FGF14: variants seen among roughly 807,000 people sequenced by gnomAD.
FGF14 encodes the protein fibroblast growth factor 14.
Under a neutral mutation model 25.5 loss-of-function variants are expected in FGF14, and 5 were observed. The ratio of observed to expected loss-of-function variants is 0.20; its 90% CI spans 0.10 to 0.41. The LOEUF is 0.41. Among genes scored for constraint, FGF14 ranks in the 10% least tolerant of loss-of-function variants. The pLI, the probability that FGF14 is intolerant of heterozygous loss-of-function variation, is 1.00. For missense variants in FGF14, 222 were observed against 320.1 expected (o/e 0.69, Z 2.34); for synonymous variants, 138 against 118.3 (o/e 1.17, Z -1.08).
chr13:101,723,383 ATTCAC>A (rs1199802879), intron 4 of FGF14, among the ~76,000 whole-genome samples: 1 of 152,012 alleles, frequency 6.6e-6, no homozygotes, highest in African/African-American at 2.4e-5. Context: ...TGAACTTCTC[ATTCAC>A]TTCAATCAAT....
At chr13:102,324,426 T>C (rs1283834065) in intron 1 of FGF14, among the ~76,000 whole-genome samples, 1 of 152,132 alleles carries the variant, frequency 6.6e-6, no homozygotes, top group Non-Finnish European at 1.5e-5. Flanking sequence ...TTTTTACTCA[T>C]TCAACAAAAA....
At chr13:102,394,722 G>A (rs1049391082) in intron 1 of FGF14, 1 of 152,414 alleles carries the variant, frequency 6.6e-6, no homozygotes, top group Admixed American at 6.5e-5. Context: ...CGGGGACTCT[G>A]GGCCAATGGG....
intron 3 of FGF14, among the ~76,000 whole-genome samples, chr13:101,820,814 C>T (rs925303181): frequency 2.1e-5 from 2 of 93,026 alleles, no homozygotes; most frequent in Non-Finnish European, 5.5e-5. Context: ...ACAACACACA[C>T]ACACACACCA....
chr13:102,269,082 C>T (rs2053127911), intron 1 of FGF14, among the ~76,000 whole-genome samples: 1 of 152,116 alleles, frequency 6.6e-6, no homozygotes. Flanking sequence ...TTGGGTGATA[C>T]AGAAAAATGT....
chr13:102,073,449 A>C (rs973121908), intron 1 of FGF14, among the ~76,000 whole-genome samples: 1 of 152,122 alleles, frequency 6.6e-6, no homozygotes. Flanking sequence ...TAATAATCAC[A>C]AGATTTGTTC....
At chr13:101,902,765 T>C (rs2031734572) in intron 1 of FGF14, among the ~76,000 whole-genome samples, 1 of 152,226 alleles carries the variant, frequency 6.6e-6, no homozygotes, top group South Asian at 2.1e-4. Flanking sequence ...CAAAATCCTG[T>C]CATGGTTTTG....
chr13:101,905,122 G>A (rs1018047566), intron 1 of FGF14, among the ~76,000 whole-genome samples: 1 of 152,174 alleles, frequency 6.6e-6, no homozygotes, highest in Admixed American at 6.5e-5. Context: ...ACAGAAAGGA[G>A]TGGAGGCAGA....
rs2034783092 is a variant in FGF14 at position 101,717,812 on chromosome 13, GC to G, written c.*5018del. 1.3e-5 allele frequency: 2 copies of G among 152,116 alleles called. No individual in the cohort carries two copies. The highest frequency in any genetic ancestry group is 1.3e-4 in the Admixed American group (2 of 15,254). 9.4% of individuals were successfully genotyped at this position (152,116 alleles called of 1,614,324 possible). On this transcript the variant is annotated 3_prime_UTR_variant, in exon 5 of 5. Coordinates refer to ENST00000376143, the MANE Select transcript of FGF14 (RefSeq NM_004115.4). ...TGTCAGCCTCAGCTCCACTGGAACTGCCCTTGATTCTCTATAGCTCATCACA... is the reference window on the plus strand; with the variant it reads ...TGTCAGCCTCAGCTCCACTGGAACTGCCTTGATTCTCTATAGCTCATCACA...
At chr13:102,070,951 AACAAAACAC>A (rs977616314) in intron 1 of FGF14, among the ~76,000 whole-genome samples, 38 of 111,518 alleles carry the variant, frequency 3.4e-4, no homozygotes, top group African/African-American at 1.5e-3. Context: ...AACAAAACAA[AACAAAACAC>A]ACACACACAC....
rs576846256 is a variant in FGF14, at chr13:102,252,052, A to G, written c.208+149419T>C. Among the ~76,000 whole-genome samples, 401 of 152,318 alleles carry G rather than the reference A, an allele frequency of 2.6e-3. 6 individuals are homozygous for G. Among genetic ancestry groups the G allele is most frequent in the African/African-American group, 8.0e-3 (331 of 41,576 alleles). On this transcript the variant is annotated intron_variant, in intron 1 of 4. Coordinates refer to the FGF14 transcript ENST00000376131. ...TTTTACTGATCCCAGACACCTGTAT[A>G]TCGATGCGGCTAATCTAATCTATCT...
intron 1 of FGF14, among the ~76,000 whole-genome samples, chr13:101,933,358 G>A (rs963549856): frequency 3.3e-5 from 5 of 152,118 alleles, no homozygotes; most frequent in Non-Finnish European, 5.9e-5. Flanking sequence ...TAAATAAGAA[G>A]TTATCCGGTA....
intron 1 of FGF14, among the ~76,000 whole-genome samples, chr13:102,187,540 G>C (rs1775858462): frequency 6.6e-6 from 1 of 152,158 alleles, no homozygotes; most frequent in South Asian, 2.1e-4. Flanking sequence ...TGGGAGCTCT[G>C]GCATTTAATT....
chr13:102,037,249 T>G (rs1030162340), intron 1 of FGF14, among the ~76,000 whole-genome samples: 2 of 152,084 alleles, frequency 1.3e-5, no homozygotes, highest in Admixed American at 6.6e-5. Flanking sequence ...CTACAGAAAT[T>G]TATTGTTCTG....
At chr13:102,343,958 T>C (rs766201105) in intron 1 of FGF14, among the ~76,000 whole-genome samples, 7 of 152,172 alleles carry the variant, frequency 4.6e-5, no homozygotes, top group Admixed American at 6.6e-5. Flanking sequence ...CTGCCTTGTG[T>C]TTTTCGTACT....
At chr13:102,236,627 TC>T (rs541672933) in intron 1 of FGF14, among the ~76,000 whole-genome samples, 1 of 152,102 alleles carries the variant, frequency 6.6e-6, no homozygotes, top group South Asian at 2.1e-4. Context: ...CTGGTTTCCC[TC>T]CCCCAGGACT....
chr13:102,337,838 T>C (rs1398619419), intron 1 of FGF14, among the ~76,000 whole-genome samples: 1 of 151,968 alleles, frequency 6.6e-6, no homozygotes, highest in Non-Finnish European at 1.5e-5. Flanking sequence ...ATTGTCGGCA[T>C]TTTTTTTAAC....
chr13:102,398,762 A>G (rs1319630044), intron 1 of FGF14, among the ~76,000 whole-genome samples: 1 of 151,820 alleles, frequency 6.6e-6, no homozygotes, highest in Non-Finnish European at 1.5e-5. Context: ...CTCACGAAGT[A>G]CAATAGTGAA....
intron 1 of FGF14, among the ~76,000 whole-genome samples, chr13:102,275,278 C>G (rs1409237491): frequency 6.7e-6 from 1 of 149,590 alleles, no homozygotes; most frequent in African/African-American, 2.5e-5. Context: ...CTCTCTCTCT[C>G]TCTCTCTCTG....
intron 1 of FGF14, among the ~76,000 whole-genome samples, chr13:102,342,386 A>G (rs1262730786): frequency 6.6e-6 from 1 of 152,148 alleles, no homozygotes; most frequent in Non-Finnish European, 1.5e-5. Flanking sequence ...TTGCCATGAA[A>G]TCCTACATAA....
Sources: allele counts gnomAD v4.1 joint callset (sites outside exome capture counted in the v4.1 genomes callset), GRCh38; gene constraint gnomAD v4.1.1; transcripts MANE v1.5; gene names NCBI Gene and HGNC (gene_info 2026-07-23, HGNC 2026-07-21).